TLN2: variants seen among roughly 807,000 people sequenced by gnomAD.
TLN2 encodes the protein talin-2.
Under a neutral mutation model 294.7 loss-of-function variants are expected in TLN2, and 118 were observed. The observed-to-expected ratio is 0.40, with a 90% CI of 0.34 to 0.47. The LOEUF is 0.47. TLN2 is among the 20% of genes least tolerant of loss of function. The pLI is 0.84. For missense variants in TLN2, 3,083 were observed against 3,282.2 expected (o/e 0.94, Z 1.48); for synonymous variants, 1,431 against 1,304.5 (o/e 1.10, Z -2.09).
chr15:62,428,791 G>C (rs2034853285), intron 1 of TLN2, among the ~76,000 whole-genome samples: 1 of 152,224 alleles, frequency 6.6e-6, no homozygotes, highest in African/African-American at 2.4e-5. Context: ...GTGTGTTAAA[G>C]TGTGAATTCT....
At chr15:62,493,641 C>CA (rs2038867140) in intron 1 of TLN2, among the ~76,000 whole-genome samples, 1 of 145,708 alleles carries the variant, frequency 6.9e-6, no homozygotes, top group South Asian at 2.6e-4. Flanking sequence ...GATGGAGTCT[C>CA]ACTCTGTTGA....
chr15:62,827,318 G>A (rs1228375704), intron 54 of TLN2, among the ~76,000 whole-genome samples: 1 of 152,182 alleles, frequency 6.6e-6, no homozygotes, highest in Non-Finnish European at 1.5e-5. Context: ...GGGGATGTTG[G>A]TAAGGATATT....
chr15:62,821,880 T>C (rs1184553510), intron 54 of TLN2, among the ~76,000 whole-genome samples: 1 of 152,210 alleles, frequency 6.6e-6, no homozygotes, highest in Non-Finnish European at 1.5e-5. Context: ...AAGTGTACTT[T>C]AAACTTAAGA....
intron 1 of TLN2, among the ~76,000 whole-genome samples, chr15:62,449,463 C>T (rs985880185): frequency 1.4e-4 from 21 of 152,148 alleles, no homozygotes; most frequent in African/African-American, 4.8e-4. Flanking sequence ...CATTCCTGTG[C>T]AGCACCTTTT....
At chr15:62,750,069 A>G (rs144353828) in intron 33 of TLN2, among the ~76,000 whole-genome samples, 63 of 152,330 alleles carry the variant, frequency 4.1e-4, no homozygotes, top group African/African-American at 1.3e-3. Flanking sequence ...GTGCTAATTG[A>G]CCACGCATGT....
intron 52 of TLN2, among the ~76,000 whole-genome samples, chr15:62,813,628 A>G (rs1377714268): frequency 6.6e-6 from 1 of 152,230 alleles, no homozygotes; most frequent in Non-Finnish European, 1.5e-5. Context: ...CTCCAAGATT[A>G]GGATCACGGT....
chr15:62,564,130 T>TG, intron 1 of TLN2, among the ~76,000 whole-genome samples: 1 of 152,304 alleles, frequency 6.6e-6, no homozygotes, highest in Non-Finnish European at 1.5e-5. Flanking sequence ...AGTCAAAGTT[T>TG]GGGGCTCTGC....
At chr15:62,591,464 C>T (rs907366579) in intron 2 of TLN2, among the ~76,000 whole-genome samples, 2 of 152,150 alleles carry the variant, frequency 1.3e-5, no homozygotes, top group African/African-American at 4.8e-5. Context: ...CTAGAGAGGT[C>T]AGAGGGCCAT....
intron 1 of TLN2, among the ~76,000 whole-genome samples, chr15:62,576,258 C>T (rs11071675): frequency 0.96 from 145,820 of 151,778 alleles, 70,315 homozygotes; most frequent in Middle Eastern, 1. Context: ...AGTGAGACCC[C>T]GTCTCAAAAA....
At chr15:62,532,287 A>G (rs575639097) in intron 1 of TLN2, among the ~76,000 whole-genome samples, 2 of 152,002 alleles carry the variant, frequency 1.3e-5, no homozygotes, top group Admixed American at 6.6e-5. Flanking sequence ...AGTAGAGACA[A>G]TGTCTTGCTA....
chr15:62,626,138 A>C (rs950251193), intron 3 of TLN2, among the ~76,000 whole-genome samples: 9 of 152,212 alleles, frequency 5.9e-5, no homozygotes, highest in African/African-American at 2.2e-4. Flanking sequence ...AAATATAGGT[A>C]CATAGAAGAC....
At chr15:62,577,038 A>G (rs1301564270) in intron 1 of TLN2, among the ~76,000 whole-genome samples, 2 of 152,218 alleles carry the variant, frequency 1.3e-5, no homozygotes, top group Admixed American at 6.5e-5. Flanking sequence ...GGTCACCTTT[A>G]TCTTACTGTG....
In TLN2 at chr15:62,657,894, T is replaced by C; in HGVS notation, c.784T>C (p.Leu262=). The C allele has an allele frequency of 6.2e-7, 1 of 1,611,256 alleles. No homozygotes were observed. The highest frequency in any genetic ancestry group is 1.3e-5 in the African/African-American group (1 of 74,906). ...HVEHKHKPGF[L]DLKEFLPKEY... is the part of the protein sequence containing the mutation. ...GGAACATAAACACAAACCTGGATTT[T>C]TAGAGTAAATGACATTTTGTTTCTC... The change falls in exon 9 of 59, where the codon TTA becomes CTA. Residue 262 remains leucine, a synonymous_variant. Transcript: ENST00000636159.
Position 62,748,382 on chromosome 15 carries a change from A to G in TLN2, c.4057A>G (p.Thr1353Ala). 3 of 1,612,380 alleles carry G rather than the reference A, an allele frequency of 1.9e-6. No homozygotes were observed. Among genetic ancestry groups the G allele is most frequent in the Non-Finnish European group, 2.5e-6 (3 of 1,179,850 alleles). Residue 1353 changes from threonine to alanine, a missense_variant, in exon 33 of 59, where the codon ACT becomes GCT. Thr to Ala is a moderately conservative substitution (Grantham distance 58). Coordinates refer to ENST00000636159, the MANE Select transcript of TLN2 (RefSeq NM_015059.3). ...GACAGAGAGCATCAATCAACTCATC[A>G]CTCTGTGTACCCAACAAGCTCCGGG... ...AVTESINQLI[T>A]LCTQQAPGQK...
chr15:62,667,734 T>C (rs72755857), intron 9 of TLN2, among the ~76,000 whole-genome samples: 7,701 of 152,338 alleles, frequency 0.051, 216 homozygotes, highest in Middle Eastern at 0.085. Flanking sequence ...TGCTTCCCTG[T>C]GTGCTTGTAA....
intron 52 of TLN2, among the ~76,000 whole-genome samples, chr15:62,813,918 G>T (rs1224786337): frequency 3.3e-5 from 5 of 151,716 alleles, no homozygotes; most frequent in Non-Finnish European, 7.4e-5. Context: ...GGGTTCAAAT[G>T]ATTCTCCTGC....
intron 3 of TLN2, among the ~76,000 whole-genome samples, chr15:62,624,101 C>T (rs1037917511): frequency 6.6e-6 from 1 of 152,146 alleles, no homozygotes; most frequent in African/African-American, 2.4e-5. Flanking sequence ...TAGAGCTACA[C>T]GTGAGTTTTG....
At chr15:62,822,869 A>G (rs985477939) in intron 54 of TLN2, among the ~76,000 whole-genome samples, 1 of 152,236 alleles carries the variant, frequency 6.6e-6, no homozygotes, top group East Asian at 1.9e-4. Context: ...TAGGGAATGT[A>G]CAAGAATGAT....
chr15:62,654,201 G>C (rs750523245), intron 7 of TLN2, among the ~76,000 whole-genome samples: 4 of 152,172 alleles, frequency 2.6e-5, no homozygotes, highest in Non-Finnish European at 5.9e-5. Context: ...ATTGTTAGCT[G>C]TACAGCATTT....
Sources: allele counts gnomAD v4.1 joint callset (sites outside exome capture counted in the v4.1 genomes callset), GRCh38; gene constraint gnomAD v4.1.1; transcripts MANE v1.5; gene names NCBI Gene and HGNC (gene_info 2026-07-23, HGNC 2026-07-21).